Variants in LDB2 observed in about 807,000 individuals in gnomAD.
LDB2 encodes LIM domain binding 2.
In LDB2, 12 loss-of-function variants were observed where a neutral mutation model predicts 44.3. That is an observed-to-expected ratio of 0.27 (90% CI 0.17 to 0.44). The LOEUF (loss-of-function observed/expected upper bound fraction) is 0.44. Among genes scored for constraint, LDB2 ranks in the 20% least tolerant of loss-of-function variants. The pLI is 1.00. For synonymous variants in LDB2, 164 were observed against 174.8 expected (o/e 0.94, Z 0.49); for missense variants, 344 against 473.5 (o/e 0.73, Z 2.54).
Position 16,814,327 on chromosome 4 carries a change from G to A in LDB2, c.133-55067C>T, listed in dbSNP as rs138432619. On this transcript the variant is annotated intron_variant, in intron 1 of 7. Coordinates refer to ENST00000304523, the MANE Select transcript of LDB2 (RefSeq NM_001290.5). ...GTTCCAGGGCAACCATGTGTCAATA[G>A]CAGAACCTAGATTCAGACAGTTGGA... Among the ~76,000 whole-genome samples, 778 of 152,296 alleles carry A rather than the reference G, an allele frequency of 5.1e-3. 8 individuals are homozygous for A. Among genetic ancestry groups the A allele is most frequent in the African/African-American group, 0.017 (723 of 41,548 alleles).
chr4:16,575,232 C>T (rs992354007), intron 5 of LDB2, among the ~76,000 whole-genome samples: 1 of 152,026 alleles, frequency 6.6e-6, no homozygotes, highest in African/African-American at 2.4e-5. Flanking sequence ...TTGTACGTAA[C>T]CTGATTGCAT....
chr4:16,848,057 T>C (rs1787439315), intron 1 of LDB2, among the ~76,000 whole-genome samples: 1 of 152,216 alleles, frequency 6.6e-6, no homozygotes, highest in African/African-American at 2.4e-5. Flanking sequence ...AATACTTAAC[T>C]GTCAGGGTCT....
chr4:16,773,998 C>CAAAAAAAAAAAAAA (rs60133554), intron 1 of LDB2, among the ~76,000 whole-genome samples: 9 of 128,358 alleles, frequency 7.0e-5, no homozygotes, highest in African/African-American at 2.7e-4. Context: ...ACTAAAAATA[C>CAAAAAAAAAAAAAA]AAAAAAAATA....
At chr4:16,828,397 C>T (rs1018097472) in intron 1 of LDB2, among the ~76,000 whole-genome samples, 2 of 152,148 alleles carry the variant, frequency 1.3e-5, no homozygotes, top group Admixed American at 1.3e-4. Flanking sequence ...AAATACATTT[C>T]CTTCCACCTC....
At chr4:16,845,295 G>T (rs753030865) in intron 1 of LDB2, among the ~76,000 whole-genome samples, 1 of 152,156 alleles carries the variant, frequency 6.6e-6, no homozygotes, top group South Asian at 2.1e-4. Context: ...AATCACAACT[G>T]CAATGCATGT....
intron 1 of LDB2, among the ~76,000 whole-genome samples, chr4:16,892,412 A>G (rs1723677168): frequency 6.6e-6 from 1 of 152,230 alleles, no homozygotes; most frequent in African/African-American, 2.4e-5. Flanking sequence ...TTAAATTTTA[A>G]AAAAAATCTA....
At chr4:16,806,149 A>G (rs558827731) in intron 1 of LDB2, among the ~76,000 whole-genome samples, 61 of 152,362 alleles carry the variant, frequency 4.0e-4, no homozygotes, top group African/African-American at 1.4e-3. Flanking sequence ...AACATCTTCC[A>G]GGTACCAACT....
intron 5 of LDB2, among the ~76,000 whole-genome samples, chr4:16,571,164 G>GT (rs1226339485): frequency 6.6e-6 from 1 of 152,238 alleles, no homozygotes; most frequent in Non-Finnish European, 1.5e-5. Flanking sequence ...TTCATTTGGA[G>GT]TGCAGTGGGC....
chr4:16,858,473 T>G (rs1789828952), intron 1 of LDB2, among the ~76,000 whole-genome samples: 1 of 152,196 alleles, frequency 6.6e-6, no homozygotes, highest in Non-Finnish European at 1.5e-5. Context: ...ACCGTTCAGG[T>G]GAAAAGAAGA....
chr4:16,694,962 T>G (rs1751752530), intron 2 of LDB2, among the ~76,000 whole-genome samples: 1 of 152,172 alleles, frequency 6.6e-6, no homozygotes, highest in Non-Finnish European at 1.5e-5. Flanking sequence ...AAACAACAAC[T>G]CTTTGTAGAG....
At chr4:16,836,419 A>G (rs61495587) in intron 1 of LDB2, among the ~76,000 whole-genome samples, 2,051 of 152,328 alleles carry the variant, frequency 0.013, 47 homozygotes, top group African/African-American at 0.046. Context: ...GTGCTCAGGA[A>G]GTCCATAGGT....
At chr4:16,546,297 G>A (rs866871780) in intron 5 of LDB2, among the ~76,000 whole-genome samples, 6 of 152,176 alleles carry the variant, frequency 3.9e-5, no homozygotes, top group Admixed American at 6.5e-5. Flanking sequence ...GTTTGAAGGC[G>A]CAATTAAAAC....
At chr4:16,657,605 T>C (rs1165618475) in intron 2 of LDB2, among the ~76,000 whole-genome samples, 4 of 152,180 alleles carry the variant, frequency 2.6e-5, no homozygotes. Context: ...ACTGTTGTCA[T>C]ATCTAATCAC....
chr4:16,559,753 C>G (rs1434184265), intron 5 of LDB2, among the ~76,000 whole-genome samples: 1 of 152,290 alleles, frequency 6.6e-6, no homozygotes, highest in African/African-American at 2.4e-5. Context: ...CCCAAATCAA[C>G]AGAATATACA....
chr4:16,866,444 A>C (rs1453939392), intron 1 of LDB2, among the ~76,000 whole-genome samples: 49 of 152,262 alleles, frequency 3.2e-4, no homozygotes. Flanking sequence ...AAATCAAATA[A>C]ATAAATCAAA....
At chr4:16,689,279 C>T (rs1173245988) in intron 2 of LDB2, among the ~76,000 whole-genome samples, 4 of 152,190 alleles carry the variant, frequency 2.6e-5, no homozygotes, top group Non-Finnish European at 5.9e-5. Flanking sequence ...TTCCTCCGCT[C>T]CCCAATTTTC....
rs556574151 is a variant in LDB2, at chr4:16,560,561, T to A, written c.615+25361A>T. On this transcript the variant is annotated intron_variant, in intron 5 of 7. Coordinates refer to ENST00000304523, the MANE Select transcript of LDB2 (RefSeq NM_001290.5). ...ATAGACCAATAACAGTCTCTGAAAT[T>A]GTGGCAATAATCAATAGCTTACCAA... 2.6e-5 allele frequency among the ~76,000 whole-genome samples: 4 copies of A among 152,322 alleles called. No homozygotes were observed. The South Asian group carries it at 8.3e-4, about 32-fold the overall frequency.
At chr4:16,612,741 G>A (rs955160964) in intron 2 of LDB2, among the ~76,000 whole-genome samples, 5 of 152,198 alleles carry the variant, frequency 3.3e-5, no homozygotes, top group South Asian at 2.1e-4. Context: ...GCCCAGGACC[G>A]GACGGATTCA....
intron 1 of LDB2, among the ~76,000 whole-genome samples, chr4:16,854,545 T>C (rs1015669745): frequency 1.4e-5 from 2 of 147,254 alleles, no homozygotes; most frequent in African/African-American, 2.5e-5. Flanking sequence ...ACAGGTGAAA[T>C]ATATACTATG....
Sources: gnomAD v4.1 joint callset for allele counts (sites outside exome capture counted in the v4.1 genomes callset) on GRCh38, gnomAD v4.1.1 for gene constraint, MANE v1.5 for transcripts, NCBI Gene and HGNC (gene_info 2026-07-23, HGNC 2026-07-21) for gene names.